Variants in ADK observed in about 807,000 individuals in gnomAD.
ADK encodes adenosine kinase.
In ADK, 24 loss-of-function variants were observed where a neutral mutation model predicts 44.7. The observed-to-expected ratio is 0.54, with a 90% CI of 0.39 to 0.76. The LOEUF is 0.76. Ranked by LOEUF, ADK falls within the 30% of genes least tolerant of loss-of-function variation. The probability of loss-of-function intolerance (pLI) is 0.00; values close to 1 mark genes in which losing one functional copy is unlikely to be tolerated. For missense variants in ADK, 321 were observed against 425.1 expected (o/e 0.76, Z 2.15); for synonymous variants, 128 against 142.6 (o/e 0.90, Z 0.73).
At chr10:74,165,413 T>TA (rs1453314973) in intron 1 of ADK, among the ~76,000 whole-genome samples, 1 of 152,034 alleles carries the variant, frequency 6.6e-6, no homozygotes, top group African/African-American at 2.4e-5. Flanking sequence ...TCTTATAACT[T>TA]ACCGTTGCTC....
At chr10:74,482,274 G>A (rs1254600195) in intron 6 of ADK, among the ~76,000 whole-genome samples, 1 of 152,172 alleles carries the variant, frequency 6.6e-6, no homozygotes, top group Admixed American at 6.5e-5. Flanking sequence ...GGCTGGAGCA[G>A]AAGGAAGTGA....
intron 4 of ADK, among the ~76,000 whole-genome samples, chr10:74,346,543 C>G (rs1353358897): frequency 6.6e-6 from 1 of 152,086 alleles, no homozygotes; most frequent in Non-Finnish European, 1.5e-5. Flanking sequence ...CAATTAAATG[C>G]AAGATTGAAA....
At chr10:74,330,721 G>A (rs866131872) in intron 4 of ADK, among the ~76,000 whole-genome samples, 1 of 152,208 alleles carries the variant, frequency 6.6e-6, no homozygotes, top group African/African-American at 2.4e-5. Context: ...GCCTTCCAGC[G>A]GCAACCAGCA....
At chr10:74,564,301 A>G (rs538050802) in intron 7 of ADK, among the ~76,000 whole-genome samples, 2 of 152,310 alleles carry the variant, frequency 1.3e-5, no homozygotes, top group Non-Finnish European at 2.9e-5. Flanking sequence ...GCGGCTTAAA[A>G]AAAGAAAAAC....
chr10:74,586,924 TACAC>T (rs543504467), intron 7 of ADK, among the ~76,000 whole-genome samples: 2 of 150,052 alleles, frequency 1.3e-5, no homozygotes, highest in Admixed American at 6.6e-5. Context: ...TATATACATA[TACAC>T]ACACATAAAT....
At chr10:74,513,717 T>C (rs1848444554) in intron 6 of ADK, among the ~76,000 whole-genome samples, 1 of 152,182 alleles carries the variant, frequency 6.6e-6, no homozygotes, top group African/African-American at 2.4e-5. Flanking sequence ...TGGAACTTAA[T>C]CTATTTACAA....
chr10:74,424,974 A>G (rs72818573), intron 6 of ADK, among the ~76,000 whole-genome samples: 48 of 152,326 alleles, frequency 3.2e-4, no homozygotes, highest in Middle Eastern at 3.4e-3. Context: ...CCTAATATTT[A>G]AAGCTTATGC....
chr10:74,590,839 G>A (rs1426964819), intron 8 of ADK, among the ~76,000 whole-genome samples: 2 of 151,794 alleles, frequency 1.3e-5, no homozygotes, highest in African/African-American at 4.8e-5. Flanking sequence ...AAAATTTTCA[G>A]GAATTTTTTA....
intron 7 of ADK, among the ~76,000 whole-genome samples, chr10:74,545,345 G>T (rs536558856): frequency 6.6e-6 from 1 of 152,204 alleles, no homozygotes; most frequent in Non-Finnish European, 1.5e-5. Context: ...CAGGCTTAGG[G>T]GTCCCTGACA....
chr10:74,586,180 G>A (rs977265977), intron 7 of ADK, among the ~76,000 whole-genome samples: 1 of 152,212 alleles, frequency 6.6e-6, no homozygotes, highest in Non-Finnish European at 1.5e-5. Context: ...GAGGTTAGCT[G>A]TGGGAAAGTC....
chr10:74,348,489 C>T (rs895577648), intron 4 of ADK, among the ~76,000 whole-genome samples: 1 of 151,990 alleles, frequency 6.6e-6, no homozygotes, highest in Non-Finnish European at 1.5e-5. Context: ...AAAACCAGCG[C>T]AAAAACGGTG....
At chr10:74,606,301 C>G (rs1852321922) in intron 9 of ADK, among the ~76,000 whole-genome samples, 2 of 152,118 alleles carry the variant, frequency 1.3e-5, no homozygotes, top group Admixed American at 1.3e-4. Flanking sequence ...TGTGTTTGCT[C>G]TTGCTTCTCT....
intron 6 of ADK, among the ~76,000 whole-genome samples, chr10:74,482,527 A>G (rs759175507): frequency 6.6e-6 from 1 of 152,136 alleles, no homozygotes; most frequent in African/African-American, 2.4e-5. Flanking sequence ...GCAAAATAGA[A>G]TCATCCCTTC....
intron 6 of ADK, among the ~76,000 whole-genome samples, chr10:74,494,570 T>C (rs1847611119): frequency 6.6e-6 from 1 of 152,200 alleles, no homozygotes; most frequent in Non-Finnish European, 1.5e-5. Flanking sequence ...TCACATTTAT[T>C]TTGTGCATAG....
intron 1 of ADK, chr10:74,177,006 G>T: frequency 5.8e-6 from 8 of 1,369,280 alleles, no homozygotes; most frequent in Non-Finnish European, 8.1e-6. Flanking sequence ...GGTCCCCCTC[G>T]TGTTGGGGGT....
At chr10:74,537,104 A>G (rs887045703) in intron 7 of ADK, among the ~76,000 whole-genome samples, 2 of 152,130 alleles carry the variant, frequency 1.3e-5, no homozygotes, top group Non-Finnish European at 2.9e-5. Context: ...CCTCCTCACC[A>G]ACACTTATTT....
intron 6 of ADK, among the ~76,000 whole-genome samples, chr10:74,406,958 C>T (rs1484840914): frequency 6.7e-6 from 1 of 150,278 alleles, no homozygotes; most frequent in Non-Finnish European, 1.5e-5. Flanking sequence ...GGATTACAGG[C>T]GTGGGCCACT....
At chr10:74,477,329 C>T (rs1006285415) in intron 6 of ADK, among the ~76,000 whole-genome samples, 2 of 152,036 alleles carry the variant, frequency 1.3e-5, no homozygotes, top group East Asian at 1.9e-4. Flanking sequence ...CTCAGCCTCC[C>T]GAGTAGCTGG....
intron 8 of ADK, among the ~76,000 whole-genome samples, chr10:74,598,441 CTTTTTTTTTT>C (rs915433699): frequency 5.4e-5 from 6 of 111,772 alleles, no homozygotes; most frequent in African/African-American, 7.4e-5. Flanking sequence ...AATCTTATTC[CTTTTTTTTTT>C]TTTTTTTTTT....
Sources: allele counts gnomAD v4.1 joint callset (sites outside exome capture counted in the v4.1 genomes callset), GRCh38; gene constraint gnomAD v4.1.1; transcripts MANE v1.5; gene names NCBI Gene and HGNC (gene_info 2026-07-23, HGNC 2026-07-21).